ZNF438: variants seen among roughly 807,000 people sequenced by gnomAD.
The protein encoded by ZNF438 is zinc finger protein 438.
In ZNF438, 25 loss-of-function variants were observed where a neutral mutation model predicts 38.0. The observed-to-expected ratio is 0.66, with a 90% CI of 0.48 to 0.92. ZNF438 has a LOEUF of 0.92. Ranked by LOEUF, ZNF438 falls within the 40% of genes least tolerant of loss-of-function variation. ZNF438 has a pLI of 0.00. For synonymous variants in ZNF438, 372 were observed against 364.1 expected (o/e 1.02, Z -0.25); for missense variants, 1,007 against 999.6 (o/e 1.01, Z -0.10).
chr10:30,993,149 A>G (rs2053675880), intron 1 of ZNF438, among the ~76,000 whole-genome samples: 1 of 152,248 alleles, frequency 6.6e-6, no homozygotes, highest in South Asian at 2.1e-4. Flanking sequence ...AATGTGGCCT[A>G]GCAACCATTT....
At chr10:31,020,424 C>T (rs540013745) in intron 1 of ZNF438, among the ~76,000 whole-genome samples, 17 of 152,240 alleles carry the variant, frequency 1.1e-4, no homozygotes, top group African/African-American at 3.9e-4. Flanking sequence ...CATTGGTTTA[C>T]AAAAATAACA....
At chr10:30,971,809 G>C (rs1157220400) in intron 1 of ZNF438, among the ~76,000 whole-genome samples, 2 of 151,878 alleles carry the variant, frequency 1.3e-5, no homozygotes, top group Non-Finnish European at 1.5e-5. Context: ...ATTTTATTAG[G>C]TTTTAAAACC....
chr10:31,012,060 C>T (rs1385751327), intron 1 of ZNF438, among the ~76,000 whole-genome samples: 1 of 152,100 alleles, frequency 6.6e-6, no homozygotes, highest in Non-Finnish European at 1.5e-5. Flanking sequence ...CCCCTGATAA[C>T]ACTCATGTCT....
intron 1 of ZNF438, among the ~76,000 whole-genome samples, chr10:30,998,302 A>G (rs1429966098): frequency 6.6e-6 from 1 of 151,962 alleles, no homozygotes; most frequent in Non-Finnish European, 1.5e-5. Flanking sequence ...GCACTTTGGG[A>G]GGCCGAGGCG....
At chr10:30,986,805 T>A (rs192913581) in intron 1 of ZNF438, among the ~76,000 whole-genome samples, 1 of 152,186 alleles carries the variant, frequency 6.6e-6, no homozygotes, top group Admixed American at 6.5e-5. Context: ...TTTAGAGCAT[T>A]TCTGATTTTA....
At chr10:30,903,756 C>T (rs556276956) in intron 3 of ZNF438, among the ~76,000 whole-genome samples, 65 of 152,274 alleles carry the variant, frequency 4.3e-4, no homozygotes, top group African/African-American at 1.5e-3. Context: ...ACCATGTAAC[C>T]TTCAAGTATG....
At chr10:30,847,735 C>T (rs1451279516) in intron 5 of ZNF438, among the ~76,000 whole-genome samples, 2 of 152,344 alleles carry the variant, frequency 1.3e-5, no homozygotes, top group African/African-American at 4.8e-5. Flanking sequence ...GTGGAAGCTG[C>T]TTGTGATGTG....
intron 1 of ZNF438, among the ~76,000 whole-genome samples, chr10:30,943,138 A>G (rs2046997635): frequency 6.6e-6 from 1 of 152,118 alleles, no homozygotes; most frequent in Non-Finnish European, 1.5e-5. Context: ...TTTTAATGCT[A>G]GTAACAGGAA....
At chr10:31,024,499 G>T (rs1311565126) in intron 1 of ZNF438, among the ~76,000 whole-genome samples, 1 of 152,186 alleles carries the variant, frequency 6.6e-6, no homozygotes, top group East Asian at 1.9e-4. Context: ...TTGGTGGCGG[G>T]TGCCTGCAGT....
At chr10:30,882,179 T>A (rs774396337) in intron 3 of ZNF438, among the ~76,000 whole-genome samples, 1 of 152,108 alleles carries the variant, frequency 6.6e-6, no homozygotes, top group South Asian at 2.1e-4. Context: ...AAATTGTATA[T>A]AAAAACTCTC....
intron 2 of ZNF438, among the ~76,000 whole-genome samples, chr10:30,930,169 G>C (rs1471438164): frequency 6.6e-6 from 1 of 151,956 alleles, no homozygotes; most frequent in Non-Finnish European, 1.5e-5. Context: ...GGGGGTGGGG[G>C]GGGAGTGCGG....
chr10:30,889,702 G>A (rs2040436555), intron 3 of ZNF438, among the ~76,000 whole-genome samples: 1 of 152,104 alleles, frequency 6.6e-6, no homozygotes, highest in Non-Finnish European at 1.5e-5. Flanking sequence ...CACCGTGTCC[G>A]GCATCAACAC....
intron 4 of ZNF438, among the ~76,000 whole-genome samples, chr10:30,871,024 G>A (rs994491698): frequency 2.6e-5 from 4 of 152,100 alleles, no homozygotes; most frequent in Non-Finnish European, 4.4e-5. Context: ...TATGGCCAAG[G>A]AGGAAAAGAA....
Position 31,020,805 on chromosome 10 carries a change from T to C in ZNF438, c.-192+11028A>G, listed in dbSNP as rs137869142. Among the ~76,000 whole-genome samples, 950 of 151,546 alleles carry C rather than the reference T, an allele frequency of 6.3e-3. 12 individuals are homozygous for C. The highest frequency in any genetic ancestry group is 0.021 in the African/African-American group (887 of 41,462). The stretch of plus-strand genomic sequence containing the variant: ...AAATAATTTTATAATATATTAACTA[T>C]AGTATTAATTTTCACACTAGGCTAA... On this transcript the variant is annotated intron_variant, in intron 1 of 5. Transcript: ENST00000413025.
At chr10:30,973,817 T>C (rs2051017977) in intron 1 of ZNF438, among the ~76,000 whole-genome samples, 2 of 152,194 alleles carry the variant, frequency 1.3e-5, no homozygotes, top group Admixed American at 6.5e-5. Context: ...TGCATAGATT[T>C]TATTCAGTCA....
At chr10:30,895,437 T>C (rs2041200601) in intron 3 of ZNF438, among the ~76,000 whole-genome samples, 1 of 152,126 alleles carries the variant, frequency 6.6e-6, no homozygotes. Flanking sequence ...TGTTTGGAGA[T>C]GAAAAGATGG....
chr10:30,876,963 G>A (rs1235525678), intron 4 of ZNF438, 35 bp downstream of exon 5: 10 of 1,576,878 alleles, frequency 6.3e-6, no homozygotes, highest in Non-Finnish European at 8.7e-6. Flanking sequence ...AACTATAACA[G>A]ACTCATCACC....
At chr10:30,867,984 T>C (rs568139480) in intron 4 of ZNF438, among the ~76,000 whole-genome samples, 3 of 152,326 alleles carry the variant, frequency 2.0e-5, no homozygotes, top group African/African-American at 7.2e-5. Context: ...ATGACATTTA[T>C]ATTTTTCCCC....
intron 1 of ZNF438, among the ~76,000 whole-genome samples, chr10:31,020,728 GCT>G (rs963263708): frequency 6.8e-6 from 1 of 147,372 alleles, no homozygotes; most frequent in African/African-American, 2.5e-5. Context: ...GTAAACAACA[GCT>G]CTGTCAAAAA....
Sources: gnomAD v4.1 joint callset for allele counts (sites outside exome capture counted in the v4.1 genomes callset) on GRCh38, gnomAD v4.1.1 for gene constraint, MANE v1.5 for transcripts, NCBI Gene and HGNC (gene_info 2026-07-23, HGNC 2026-07-21) for gene names.